The following DAB1 variants were observed in gnomAD, a reference collection of about 807,000 sequenced individuals.
DAB1 encodes DAB adaptor protein 1, also known as disabled homolog 1.
A neutral mutation model predicts 64.6 loss-of-function variants in DAB1; 15 were observed. That is an observed-to-expected ratio of 0.23 (90% confidence interval 0.16 to 0.36). The LOEUF (loss-of-function observed/expected upper bound fraction) is 0.36, where lower values mean the gene tolerates loss of function less well. DAB1 is among the 10% of genes least tolerant of loss of function. The pLI, the probability that DAB1 is intolerant of heterozygous loss-of-function variation, is 1.00. For synonymous variants in DAB1, 235 were observed against 251.9 expected (o/e 0.93, Z 0.64); for missense variants, 596 against 706.7 (o/e 0.84, Z 1.78).
chr1:57,038,686 C>G (rs1339521442), intron 9 of DAB1, among the ~76,000 whole-genome samples: 1 of 152,166 alleles, frequency 6.6e-6, no homozygotes, highest in Admixed American at 6.5e-5. Context: ...TTCAATCTTA[C>G]AATAAAAGTT....
intron 5 of DAB1, among the ~76,000 whole-genome samples, chr1:58,105,701 C>T (rs1651591833): frequency 6.6e-6 from 1 of 152,154 alleles, no homozygotes; most frequent in Non-Finnish European, 1.5e-5. Flanking sequence ...CAAATGCTGA[C>T]TAAGGCTGTG....
intron 7 of DAB1, among the ~76,000 whole-genome samples, chr1:57,579,564 C>T (rs1645288302): frequency 6.6e-6 from 1 of 152,108 alleles, no homozygotes; most frequent in Non-Finnish European, 1.5e-5. Context: ...TTCTTCTTAA[C>T]AATTACAGAC....
intron 7 of DAB1, among the ~76,000 whole-genome samples, chr1:57,566,181 T>C (rs563782651): frequency 7.0e-4 from 106 of 152,258 alleles, no homozygotes; most frequent in Middle Eastern, 6.8e-3. Context: ...GACTACTGGG[T>C]ACATAACAAA....
intron 7 of DAB1, among the ~76,000 whole-genome samples, chr1:57,590,182 T>C (rs950300865): frequency 2.0e-5 from 3 of 152,192 alleles, no homozygotes; most frequent in Non-Finnish European, 2.9e-5. Flanking sequence ...TTGCTGCCTC[T>C]TCACGTGGTC....
intron 5 of DAB1, among the ~76,000 whole-genome samples, chr1:58,071,201 G>C (rs1053121025): frequency 6.6e-6 from 1 of 152,154 alleles, no homozygotes; most frequent in Non-Finnish European, 1.5e-5. Flanking sequence ...AAGTTCTTTC[G>C]TGTGTTGTAT....
At chr1:58,320,685 C>T (rs116543479) in intron 4 of DAB1, among the ~76,000 whole-genome samples, 47 of 152,302 alleles carry the variant, frequency 3.1e-4, no homozygotes, top group Middle Eastern at 3.4e-3. Context: ...TTATTCAAGG[C>T]CTGGTCATGT....
chr1:57,490,095 C>G (rs571405005), intron 7 of DAB1, among the ~76,000 whole-genome samples: 1 of 152,280 alleles, frequency 6.6e-6, no homozygotes, highest in East Asian at 1.9e-4. Flanking sequence ...GTGGCCCTCA[C>G]CAGATGCTAA....
At chr1:57,273,801 A>T (rs1671244037) in intron 2 of DAB1, among the ~76,000 whole-genome samples, 1 of 151,894 alleles carries the variant, frequency 6.6e-6, no homozygotes, top group African/African-American at 2.4e-5. Context: ...CCAGCCCTTG[A>T]CTGCTCCATC....
chr1:58,359,682 A>AGATGACAGCAAGGGGTGAGAGT (rs1553177603), intron 3 of DAB1, among the ~76,000 whole-genome samples: 1 of 150,348 alleles, frequency 6.7e-6, no homozygotes, highest in Non-Finnish European at 1.5e-5. Flanking sequence ...TGATAGGTAG[A>AGATGACAGCAAGGGGTGAGAGT]GATGATAGCA....
chr1:57,870,279 C>T (rs550247339), intron 1 of DAB1, among the ~76,000 whole-genome samples: 2 of 152,218 alleles, frequency 1.3e-5, no homozygotes, highest in African/African-American at 2.4e-5. Flanking sequence ...TGGTCCTGTC[C>T]GTGAGTGCCA....
intron 5 of DAB1, among the ~76,000 whole-genome samples, chr1:57,968,601 T>C (rs1004028400): frequency 6.6e-6 from 1 of 152,154 alleles, no homozygotes; most frequent in Non-Finnish European, 1.5e-5. Flanking sequence ...CATGAGTCAG[T>C]AGATCTTCGA....
At chr1:57,617,104 C>T (rs1168891170) in intron 7 of DAB1, among the ~76,000 whole-genome samples, 1 of 152,052 alleles carries the variant, frequency 6.6e-6, no homozygotes, top group East Asian at 1.9e-4. Flanking sequence ...TTCTTGGTAC[C>T]CTGCCCAGAC....
At position 57,873,050 on chromosome 1, in the gene DAB1, G is replaced by A. The variant is rs546648204; in HGVS notation, n.87+10949C>T. ...AGGACTCTACAGTGTTCAGCCTCCA[G>A]ATGGAGACTGTAGAGGAATCTGAGA... On this transcript the variant is annotated intron_variant and non_coding_transcript_variant, in intron 1 of 1. Coordinates refer to the DAB1 transcript ENST00000477280. 9.0e-4 allele frequency among the ~76,000 whole-genome samples: 137 copies of A among 152,204 alleles called. 1 individual carries two copies. The highest frequency in any genetic ancestry group is 3.3e-3 in the African/African-American group (136 of 41,524).
intron 4 of DAB1, among the ~76,000 whole-genome samples, chr1:57,090,710 C>T (rs1653572280): frequency 6.6e-6 from 1 of 152,146 alleles, no homozygotes. Flanking sequence ...CAATATATTG[C>T]TTATTATACA....
chr1:57,694,397 G>T lies in DAB1; in HGVS notation n.552-44732C>A, dbSNP rs74075837. On this transcript the variant is annotated intron_variant and non_coding_transcript_variant, in intron 6 of 20. Coordinates refer to the DAB1 transcript ENST00000485760. The stretch of plus-strand genomic sequence containing the variant: ...AGTGTGCTATCAGAGGAGGAACCGA[G>T]AATATATATTGGGGAGAGTGGGTTT... Among the ~76,000 whole-genome samples, 1,203 of 152,194 alleles carry T rather than the reference G, an allele frequency of 7.9e-3. 16 individuals carry two copies. The highest frequency in any genetic ancestry group is 0.027 in the African/African-American group (1,134 of 41,504).
chr1:57,613,923 A>G (rs2101606004), intron 7 of DAB1, among the ~76,000 whole-genome samples: 1 of 152,302 alleles, frequency 6.6e-6, no homozygotes, highest in East Asian at 1.9e-4. Context: ...AAAGGGGATA[A>G]TAGTGTTTCA....
At chr1:58,019,114 G>T (rs930148015) in intron 5 of DAB1, among the ~76,000 whole-genome samples, 4 of 152,112 alleles carry the variant, frequency 2.6e-5, no homozygotes, top group Admixed American at 1.3e-4. Context: ...CAGATATGAT[G>T]ATCTCTAAGA....
chr1:58,277,835 A>C (rs1239332803), intron 4 of DAB1, among the ~76,000 whole-genome samples: 1 of 152,164 alleles, frequency 6.6e-6, no homozygotes, highest in African/African-American at 2.4e-5. Flanking sequence ...CCGCCAGAGC[A>C]GTTTATTCTT....
intron 5 of DAB1, among the ~76,000 whole-genome samples, chr1:58,070,206 C>T (rs919290100): frequency 6.6e-6 from 1 of 152,142 alleles, no homozygotes; most frequent in Admixed American, 6.5e-5. Context: ...AGAAAGACAG[C>T]TAAAAATGCT....
Sources: gnomAD v4.1 joint callset for allele counts (sites outside exome capture counted in the v4.1 genomes callset) on GRCh38, gnomAD v4.1.1 for gene constraint, MANE v1.5 for transcripts, NCBI Gene and HGNC (gene_info 2026-07-23, HGNC 2026-07-21) for gene names.